The following DEPDC5 variants were observed in gnomAD, a reference collection of about 807,000 sequenced individuals.
DEPDC5 encodes the protein DEP domain containing 5, GATOR1 subcomplex subunit, also known as GATOR1 complex protein DEPDC5.
A neutral mutation model predicts 217.3 loss-of-function variants in DEPDC5; 73 were observed. That is an observed-to-expected ratio of 0.34 (90% confidence interval 0.28 to 0.41). The LOEUF (loss-of-function observed/expected upper bound fraction) is 0.41. DEPDC5 is among the 10% of genes least tolerant of loss of function. DEPDC5 has a pLI of 1.00. For synonymous variants in DEPDC5, 733 were observed against 756.7 expected (o/e 0.97, Z 0.51); for missense variants, 1,675 against 2,070.1 (o/e 0.81, Z 3.70).
intron 39 of DEPDC5, 25 bp from the exon 40 acceptor site, chr22:31,897,457 T>C (rs1331575561): frequency 6.3e-7 from 1 of 1,580,260 alleles, no homozygotes; most frequent in Non-Finnish European, 8.6e-7. Context: ...GAGATGATAT[T>C]GTTTGTTTCT....
chr22:31,768,497 T>G (rs2083022516), intron 6 of DEPDC5, among the ~76,000 whole-genome samples: 1 of 152,218 alleles, frequency 6.6e-6, no homozygotes, highest in Non-Finnish European at 1.5e-5. Context: ...AGTATGTAAA[T>G]GCAGATATGT....
At chr22:31,771,725 A>G in intron 7 of DEPDC5, among the ~76,000 whole-genome samples, 1 of 56,316 alleles carries the variant, frequency 1.8e-5, no homozygotes, top group Non-Finnish European at 4.6e-5. Context: ...TCACACACAC[A>G]CACACACACA....
intron 3 of DEPDC5, 81 bp downstream of exon 3, chr22:31,758,714 T>G (rs1275497943): frequency 7.5e-7 from 1 of 1,333,384 alleles, no homozygotes; most frequent in Non-Finnish European, 1.1e-6. Context: ...CTCTTTGCCT[T>G]TCAAAATGCT....
Position 31,845,224 on chromosome 22 carries a change from A to G in DEPDC5, c.3008A>G (p.Asp1003Gly), listed in dbSNP as rs1413417458. The G allele has an allele frequency of 1.2e-6, 2 of 1,613,804 alleles. No homozygotes were observed. The highest frequency in any genetic ancestry group is 8.5e-7 in the Non-Finnish European group (1 of 1,179,940). ...LNRIRRRHRS[D>G]RMMRKGTAMK... ...CGCATTCGCAGGCGGCATCGCTCGG[A>G]TCGCATGATGCGGGTAAGGGCTCCT... The change falls in exon 30 of 43, where the codon GAT becomes GGT. Residue 1003 changes from aspartate (D) to glycine (G), a missense_variant. Coordinates refer to ENST00000651528, the MANE Select transcript of DEPDC5 (RefSeq NM_001242896.3).
intron 41 of DEPDC5, among the ~76,000 whole-genome samples, chr22:31,902,826 A>G (rs989807468): frequency 6.6e-5 from 10 of 152,078 alleles, no homozygotes; most frequent in African/African-American, 2.2e-4. Context: ...TGATGCACCT[A>G]GTGAGCCCTC....
At chr22:31,795,882 C>T (rs534977437) in intron 12 of DEPDC5, among the ~76,000 whole-genome samples, 1 of 151,934 alleles carries the variant, frequency 6.6e-6, no homozygotes, top group South Asian at 2.1e-4. Flanking sequence ...AGGCATGTGC[C>T]ACCACACCTG....
At chr22:31,836,053 C>A (rs2090971821) in intron 25 of DEPDC5, among the ~76,000 whole-genome samples, 1 of 152,256 alleles carries the variant, frequency 6.6e-6, no homozygotes, top group Non-Finnish European at 1.5e-5. Context: ...AAAAGATAGT[C>A]TTCACTTAAA....
chr22:31,778,751 C>A (rs1215743158), intron 8 of DEPDC5, among the ~76,000 whole-genome samples: 1 of 152,138 alleles, frequency 6.6e-6, no homozygotes, highest in African/African-American at 2.4e-5. Context: ...TGAAGAGAGA[C>A]CTTTGCCAAT....
intron 34 of DEPDC5, among the ~76,000 whole-genome samples, chr22:31,872,475 C>T (rs573753593): frequency 7.2e-4 from 109 of 152,258 alleles, no homozygotes; most frequent in Non-Finnish European, 2.4e-4. Flanking sequence ...CACATGGGGG[C>T]GCTGAGGCCA....
intron 24 of DEPDC5, among the ~76,000 whole-genome samples, chr22:31,830,751 CTTTTCTTTTTTT>C (rs1022366519): frequency 2.7e-5 from 4 of 149,298 alleles, no homozygotes; most frequent in Admixed American, 1.3e-4. Flanking sequence ...TGAACTATTT[CTTTTCTTTTTTT>C]TTTTCTTTTT....
At chr22:31,881,962 G>GAA (rs530475337) in intron 38 of DEPDC5, among the ~76,000 whole-genome samples, 5 of 101,764 alleles carry the variant, frequency 4.9e-5, no homozygotes, top group Non-Finnish European at 8.1e-5. Flanking sequence ...GACTCCATCT[G>GAA]AAAAAAAAAA....
intron 25 of DEPDC5, among the ~76,000 whole-genome samples, chr22:31,835,879 CA>C (rs1460256529): frequency 1.3e-5 from 2 of 152,220 alleles, no homozygotes; most frequent in Non-Finnish European, 2.9e-5. Context: ...ACTTAGCACA[CA>C]AATTTTGTTC....
At chr22:31,793,000 G>T (rs947723683) in intron 12 of DEPDC5, among the ~76,000 whole-genome samples, 183 bp downstream of exon 12, 2 of 151,954 alleles carry the variant, frequency 1.3e-5, no homozygotes, top group Non-Finnish European at 2.9e-5. Flanking sequence ...AGCCTGGGAG[G>T]TGGAGGTTGC....
intron 38 of DEPDC5, among the ~76,000 whole-genome samples, chr22:31,885,302 A>G (rs969291989): frequency 5.9e-5 from 9 of 152,152 alleles, no homozygotes. Flanking sequence ...GCTGGCTTCC[A>G]TCTGTGTCTG....
At chr22:31,895,216 T>TAG (rs2093528156) in intron 39 of DEPDC5, among the ~76,000 whole-genome samples, 1 of 149,268 alleles carries the variant, frequency 6.7e-6, no homozygotes, top group South Asian at 2.1e-4. Flanking sequence ...GTCTAGTGGG[T>TAG]AGAGACCAGC....
chr22:31,754,518 G>A (rs1018348552), intron 1 of DEPDC5, among the ~76,000 whole-genome samples: 5 of 152,244 alleles, frequency 3.3e-5, no homozygotes, highest in Admixed American at 1.3e-4. Flanking sequence ...AAAATGAGTG[G>A]GCTAACCTCT....
At position 31,863,628 on chromosome 22, in the gene DEPDC5, C is replaced by A. The variant is rs138622905; in HGVS notation, c.3330+2195C>A. On this transcript the variant is annotated intron_variant, in intron 33 of 42. Coordinates refer to ENST00000651528, the MANE Select transcript of DEPDC5 (RefSeq NM_001242896.3). ...AGAATAAGACCAGCCTGGACAATAT[C>A]GTAAAACCCTGTCTGTAATTTTTTA... is the stretch of plus-strand genomic sequence containing the variant. Among the ~76,000 whole-genome samples, 168 of 152,144 alleles carry A rather than the reference C, an allele frequency of 1.1e-3. 1 individual carries two copies. The highest frequency in any genetic ancestry group is 1.9e-3 in the Non-Finnish European group (132 of 67,996).
intron 40 of DEPDC5, among the ~76,000 whole-genome samples, chr22:31,898,604 CA>C (rs2093595084): frequency 6.6e-6 from 1 of 152,118 alleles, no homozygotes. Flanking sequence ...GGCAGAGAAC[CA>C]GCCCAAAAGA....
At chr22:31,844,385 C>A (rs1393395661) in intron 29 of DEPDC5, among the ~76,000 whole-genome samples, 1 of 152,050 alleles carries the variant, frequency 6.6e-6, no homozygotes, top group Non-Finnish European at 1.5e-5. Context: ...CACAGCAAGA[C>A]CTTGTCTCAA....
Sources: gnomAD v4.1 joint callset for allele counts (sites outside exome capture counted in the v4.1 genomes callset) on GRCh38, gnomAD v4.1.1 for gene constraint, MANE v1.5 for transcripts, NCBI Gene and HGNC (gene_info 2026-07-23, HGNC 2026-07-21) for gene names.